ASCC1: variants seen among roughly 807,000 people sequenced by gnomAD.
ASCC1 encodes the protein activating signal cointegrator 1 complex subunit 1.
A neutral mutation model predicts 46.6 loss-of-function variants in ASCC1; 35 were observed. That is an observed-to-expected ratio of 0.75 (90% CI 0.57 to 0.99). The LOEUF (loss-of-function observed/expected upper bound fraction) is 0.99, where lower values mean the gene tolerates loss of function less well. Among genes scored for constraint, ASCC1 ranks in the 50% least tolerant of loss-of-function variants. The probability of loss-of-function intolerance (pLI) is 0.00; values close to 1 mark genes in which losing one functional copy is unlikely to be tolerated. For missense variants in ASCC1, 376 were observed against 428.7 expected, an observed-to-expected ratio of 0.88 and a Z score of 1.09; for synonymous variants, 143 against 146.6, an observed-to-expected ratio of 0.98 and a Z score of 0.18.
rs147833433 is a variant in ASCC1, at chr10:72,204,930, C to A, written c.213-1406G>T. Among the ~76,000 whole-genome samples the A allele has an allele frequency of 2.1e-3, 327 of 152,234 alleles. 1 individual carries two copies. The highest frequency in any genetic ancestry group is 4.0e-3 in the Admixed American group (61 of 15,270). ...AAGCCTATCACAAAAAGCAGTGGTT[C>A]AAAGTGCTATTAATAATCTAGGCTT... On this transcript the variant is annotated intron_variant, in intron 3 of 9. Coordinates refer to ENST00000672957, the MANE Select transcript of ASCC1 (RefSeq NM_001198800.3).
rs1340801662 is a variant in ASCC1 at position 72,190,671 on chromosome 10, A to C, written c.489+6140T>G. Reference sequence around the variant, plus strand: ...ATTTGTCTGTTAAAGCTAGTCTGCAAATTATTTAATGAATGCTTTGTCAAA... The same window carrying C: ...ATTTGTCTGTTAAAGCTAGTCTGCACATTATTTAATGAATGCTTTGTCAAA... On this transcript the variant is annotated intron_variant, in intron 5 of 9. Transcript: ENST00000672957. The C allele has an allele frequency of 4.3e-5, 29 of 670,838 alleles. 1 individual carries two copies. The South Asian group carries it at 5.4e-4, about 12-fold the overall frequency. The allele number at this position is 670,838 out of a possible 1,614,324, so 41.6% of individuals were successfully genotyped here. A position where few individuals can be genotyped will look rare whatever the true frequency, so the allele number is the denominator to read the frequency against.
chr10:72,172,890 T>TTA (rs1214678645), intron 5 of ASCC1, among the ~76,000 whole-genome samples: 3 of 128,840 alleles, frequency 2.3e-5, no homozygotes, highest in African/African-American at 8.5e-5. Context: ...TATTTTTATA[T>TTA]TATATATATT....
rs113312869 is a variant in ASCC1 at position 72,203,524 on chromosome 10, C to T, written c.213G>A (p.Lys71=). 2 of 1,588,056 alleles carry T rather than the reference C, an allele frequency of 1.3e-6. No homozygotes were observed. Among genetic ancestry groups the T allele is most frequent in the African/African-American group, 1.3e-5 (1 of 74,460 alleles). ...TGTCCCCTCTCTTTCCAACTATATG[C>T]CTGTAACATAAAGTAATTAAAAGAA... ...STLRAPSLLY[K]HIVGKRGDTR... The change falls in exon 4 of 10, where the codon AAG becomes AAA. Residue 71 remains lysine (K), a splice_region_variant and synonymous_variant. Coordinates refer to ENST00000672957, the MANE Select transcript of ASCC1 (RefSeq NM_001198800.3).
At chr10:72,154,673 G>A (rs1366251470) in intron 6 of ASCC1, among the ~76,000 whole-genome samples, 2 of 152,004 alleles carry the variant, frequency 1.3e-5, no homozygotes, top group East Asian at 1.9e-4. Flanking sequence ...TATACTTTTA[G>A]TAGAGACTAG....
chr10:72,107,312 C>CCCA (rs1554824502), intron 9 of ASCC1, among the ~76,000 whole-genome samples: 1 of 146,510 alleles, frequency 6.8e-6, no homozygotes, highest in South Asian at 2.1e-4. Flanking sequence ...ACCCCCCCCC[C>CCCA]AAAAAAATAA....
intron 5 of ASCC1, among the ~76,000 whole-genome samples, chr10:72,187,518 A>C (rs1853648157): frequency 6.6e-6 from 1 of 151,554 alleles, no homozygotes; most frequent in African/African-American, 2.4e-5. Context: ...CAGGAGATAG[A>C]GACCATCCTG....
intron 2 of ASCC1, among the ~76,000 whole-genome samples, chr10:72,212,492 T>C (rs1564773991): frequency 1.3e-5 from 2 of 152,278 alleles, no homozygotes; most frequent in South Asian, 4.1e-4. Context: ...TCTGAGGATT[T>C]TGGTAACATT....
chr10:72,207,375 C>A (rs1370329124), intron 3 of ASCC1, among the ~76,000 whole-genome samples: 4 of 152,198 alleles, frequency 2.6e-5, no homozygotes, highest in Non-Finnish European at 5.9e-5. Context: ...GATCGTGCCA[C>A]TGCACTCCAG....
In ASCC1 at chr10:72,138,028, C is replaced by T. The variant is rs776834718; in HGVS notation, c.747-4847G>A. Among the ~76,000 whole-genome samples, 29 of 152,262 alleles carry T rather than the reference C, an allele frequency of 1.9e-4. No homozygotes were observed. In the South Asian group the frequency reaches 3.1e-3, roughly 16 times the overall value. Reference sequence around the variant, plus strand: ...TACAGGCGTGTGCCACTGCCACCGGCTAATTTTTGTATTTTTAGTAGAGAC... The same window carrying T: ...TACAGGCGTGTGCCACTGCCACCGGTTAATTTTTGTATTTTTAGTAGAGAC... On this transcript the variant is annotated intron_variant, in intron 7 of 9. Transcript: ENST00000672957.
chr10:72,203,665 T>A, intron 3 of ASCC1, 141 bp from the exon 4 acceptor site: 1 of 705,422 alleles, frequency 1.4e-6, no homozygotes, highest in Non-Finnish European at 2.5e-6. Context: ...GCGGAAGAAA[T>A]TACAAGTCAT....
At chr10:72,171,039 T>C (rs960596883) in intron 5 of ASCC1, among the ~76,000 whole-genome samples, 2 of 152,190 alleles carry the variant, frequency 1.3e-5, no homozygotes, top group Non-Finnish European at 2.9e-5. Flanking sequence ...CAACTCACTC[T>C]AAAGCAGTTG....
At chr10:72,184,146 A>T (rs1267014954) in intron 5 of ASCC1, among the ~76,000 whole-genome samples, 1 of 152,032 alleles carries the variant, frequency 6.6e-6, no homozygotes, top group African/African-American at 2.4e-5. Context: ...TCCATCTCAA[A>T]AAATAAATAA....
At chr10:72,166,230 A>C (rs1406965962) in intron 5 of ASCC1, among the ~76,000 whole-genome samples, 1 of 152,240 alleles carries the variant, frequency 6.6e-6, no homozygotes, top group Non-Finnish European at 1.5e-5. Context: ...AGCTCACTCA[A>C]TAAATGGATC....
chr10:72,209,254 T>C (rs979652088), intron 3 of ASCC1, among the ~76,000 whole-genome samples: 1 of 150,860 alleles, frequency 6.6e-6, no homozygotes, highest in Non-Finnish European at 1.5e-5. Flanking sequence ...GAGACCAAGG[T>C]GGGAGGATCA....
At chr10:72,160,675 G>A (rs1403760931) in intron 6 of ASCC1, among the ~76,000 whole-genome samples, 2 of 147,930 alleles carry the variant, frequency 1.4e-5, no homozygotes, top group African/African-American at 5.0e-5. Context: ...AGCTAGCCTG[G>A]GTAACAGAGA....
intron 4 of ASCC1, among the ~76,000 whole-genome samples, chr10:72,197,352 C>G (rs1466315147): frequency 6.6e-6 from 1 of 151,124 alleles, no homozygotes; most frequent in Non-Finnish European, 1.5e-5. Context: ...CGCCTGTAGT[C>G]CCAGCTACTC....
At chr10:72,140,410 G>C (rs550353497) in intron 7 of ASCC1, among the ~76,000 whole-genome samples, 100 of 152,284 alleles carry the variant, frequency 6.6e-4, no homozygotes, top group Non-Finnish European at 1.1e-3. Flanking sequence ...TTGAATGCTA[G>C]ACTGAGGATT....
chr10:72,194,544 GA>G lies in ASCC1; in HGVS notation c.489+2266del, dbSNP rs376617073. ...CATATACTGTTTTTTCACTTCTAGT[GA>G]AAAAACAGTATATGTAAAATAAACA... On this transcript the variant is annotated intron_variant, in intron 5 of 9. Transcript: ENST00000672957. Among the ~76,000 whole-genome samples the G allele has an allele frequency of 1.0e-3, 159 of 151,550 alleles. 4 individuals are homozygous for G. The highest frequency in any genetic ancestry group is 3.2e-3 in the African/African-American group (134 of 41,342).
intron 9 of ASCC1, among the ~76,000 whole-genome samples, chr10:72,117,587 C>A (rs1843644380): frequency 6.6e-6 from 1 of 152,128 alleles, no homozygotes; most frequent in South Asian, 2.1e-4. Flanking sequence ...TATGTGAGTG[C>A]ATATATGTAA....
Sources: gnomAD v4.1 joint callset for allele counts (sites outside exome capture counted in the v4.1 genomes callset) on GRCh38, gnomAD v4.1.1 for gene constraint, MANE v1.5 for transcripts, NCBI Gene and HGNC (gene_info 2026-07-23, HGNC 2026-07-21) for gene names.